Variants in NRAP observed in about 807,000 individuals in gnomAD.
NRAP encodes nebulin related anchoring protein.
NRAP carries 189 observed loss-of-function variants against 225.9 expected under a neutral mutation model. The observed-to-expected ratio is 0.84, with a 90% CI of 0.74 to 0.94. NRAP has a LOEUF of 0.94. Ranked by LOEUF, NRAP falls within the 40% of genes least tolerant of loss-of-function variation. The probability of loss-of-function intolerance (pLI) is 0.00; values close to 1 mark genes in which losing one functional copy is unlikely to be tolerated. For missense variants in NRAP, 2,176 were observed against 2,168.7 expected (o/e 1.00, Z -0.07); for synonymous variants, 769 against 790.7 (o/e 0.97, Z 0.46).
intron 21 of NRAP, 42 bp from the exon 22 acceptor site, chr10:113,624,972 C>T (rs370914690): frequency 1.9e-4 from 251 of 1,288,212 alleles, no homozygotes; most frequent in Non-Finnish European, 2.6e-4. Flanking sequence ...GTGGCAAGGG[C>T]GAGGTGGGCA....
chr10:113,616,565 G>A (rs1437596407), intron 26 of NRAP, among the ~76,000 whole-genome samples: 1 of 152,200 alleles, frequency 6.6e-6, no homozygotes, highest in Non-Finnish European at 1.5e-5. Context: ...TTATGAAGAA[G>A]TTATAAATTC....
At chr10:113,611,967 A>C (rs1398070449) in intron 30 of NRAP, among the ~76,000 whole-genome samples, 1 of 152,268 alleles carries the variant, frequency 6.6e-6, no homozygotes, top group African/African-American at 2.4e-5. Flanking sequence ...TAAAATGAGA[A>C]TAAACTAATG....
chr10:113,645,191 T>G (rs3121475), intron 11 of NRAP, among the ~76,000 whole-genome samples: 84,232 of 152,004 alleles, frequency 0.55, 24,584 homozygotes, highest in East Asian at 0.73. Flanking sequence ...GTTTGATTTG[T>G]TTAAAAAGAT....
intron 14 of NRAP, among the ~76,000 whole-genome samples, chr10:113,639,091 CAAAAAAAAAAAAAA>C (rs60509891): frequency 8.6e-6 from 1 of 115,820 alleles, no homozygotes; most frequent in Non-Finnish European, 1.8e-5. Context: ...ATGTATATAG[CAAAAAAAAAAAAAA>C]AAAAAAAAAA....
In NRAP at chr10:113,604,993, C is replaced by T. The variant is rs541036004; in HGVS notation, c.3916-73G>A. On this transcript the variant is annotated intron_variant, in intron 34 of 41. Coordinates refer to ENST00000359988, the MANE Select transcript of NRAP (RefSeq NM_198060.4). ...GCAGACTCTAGAAAAATCACTTGTT[C>T]TTACACTAGGAGGTGATGATTATAA... 53 of 1,514,408 alleles carry T rather than the reference C, an allele frequency of 3.5e-5. No homozygotes were observed. In the Admixed American group the frequency reaches 5.9e-4, roughly 17 times the overall value. The allele number at this position is 1,514,408 out of a possible 1,614,324, so 93.8% of individuals were successfully genotyped here.
At chr10:113,627,473 G>A (rs1848349455) in intron 20 of NRAP, among the ~76,000 whole-genome samples, 1 of 152,190 alleles carries the variant, frequency 6.6e-6, no homozygotes, top group Admixed American at 6.5e-5. Flanking sequence ...CCAACTGGCT[G>A]CATTCTCTCC....
At chr10:113,647,542 G>GTGGTACTGCCTCCCCCA (rs1849607517) in intron 9 of NRAP, among the ~76,000 whole-genome samples, 2 of 65,690 alleles carry the variant, frequency 3.0e-5, no homozygotes, top group African/African-American at 8.7e-5. Context: ...TGTCTCCCCC[G>GTGGTACTGCCTCCCCCA]GTGGTACTGT....
In NRAP at chr10:113,590,734, A is replaced by G. The variant is rs1448634547; in HGVS notation, c.4800T>C (p.Phe1600=). ...KKDFAKSRSQ[F]HSSTDQPGLL... ...GGCCGGGCTGGTCTGTGCTGCTGTG[A>G]AACTGGGACCGACTCTTGGCAAAGT... The change falls in exon 40 of 42, where the codon TTT becomes TTC. Residue 1600 remains phenylalanine (F), a synonymous_variant. Transcript: ENST00000359988. The G allele has an allele frequency of 1.9e-6, 3 of 1,614,202 alleles. No individual in the cohort carries two copies. The highest frequency in any genetic ancestry group is 2.5e-6 in the Non-Finnish European group (3 of 1,180,014).
chr10:113,594,227 G>A (rs1405737383), intron 38 of NRAP, among the ~76,000 whole-genome samples: 2 of 152,030 alleles, frequency 1.3e-5, no homozygotes, highest in Admixed American at 6.5e-5. Context: ...GCCCAGGAAG[G>A]TCACTTTCCC....
At position 113,590,780 on chromosome 10, in the gene NRAP, C is replaced by T. The variant is rs1438560923; in HGVS notation, c.4754G>A (p.Ser1585Asn). Residue 1585 changes from serine to asparagine, a missense_variant, in exon 40 of 42, where the codon AGT becomes AAT. By Grantham distance (46) the Ser-to-Asn change is conservative (BLOSUM62 1). Coordinates refer to ENST00000359988, the MANE Select transcript of NRAP (RefSeq NM_198060.4). ...KHFLNVGRLQ[S>N]DNEYKKDFAK... The stretch of plus-strand genomic sequence containing the variant: ...AAAGTCCTTCTTGTACTCATTGTCA[C>T]TCTGGAGCCTGCCAACGTTGAGGAA... 3 of 1,614,110 alleles carry T rather than the reference C, an allele frequency of 1.9e-6. No individual in the cohort carries two copies. Among genetic ancestry groups the T allele is most frequent in the Non-Finnish European group, 2.5e-6 (3 of 1,180,044 alleles).
chr10:113,597,948 GT>G lies in NRAP; in HGVS notation c.4332+20del. 2 of 1,512,948 alleles carry G rather than the reference GT, an allele frequency of 1.3e-6. No homozygotes were observed. The highest frequency in any genetic ancestry group is 1.8e-6 in the Non-Finnish European group (2 of 1,087,760). 93.7% of individuals were successfully genotyped at this position (1,512,948 alleles called of 1,614,324 possible). A position where few individuals can be genotyped will look rare whatever the true frequency, so the allele number is the denominator to read the frequency against. On this transcript the variant is annotated intron_variant, in intron 36 of 41. Coordinates refer to ENST00000359988, the MANE Select transcript of NRAP (RefSeq NM_198060.4). ...TGCTAGCTTGCCCTTGTCACTTGTG[GT>G]GGGGACAGGTTGATGGTACCTCGCT... is the stretch of plus-strand genomic sequence containing the variant.
chr10:113,616,653 AAAGC>A (rs1415372627), intron 26 of NRAP, among the ~76,000 whole-genome samples: 1 of 152,228 alleles, frequency 6.6e-6, no homozygotes, highest in Non-Finnish European at 1.5e-5. Context: ...CCTGTCAAAT[AAAGC>A]GCAACCAGAA....
chr10:113,604,593 A>G lies in NRAP; in HGVS notation c.4227+16T>C. ...AAGGCTGGGGGCTGGTTTGCATTCC[A>G]CAAGGCCACCCCTACCTCACTCTGC... On this transcript the variant is annotated intron_variant, in intron 35 of 41. Transcript: ENST00000359988. 6.2e-7 allele frequency: 1 copy of G among 1,604,756 alleles called. No homozygotes were observed. Among genetic ancestry groups the G allele is most frequent in the South Asian group, 1.1e-5 (1 of 90,590 alleles).
At chr10:113,617,173 C>T (rs1592773208) in intron 26 of NRAP, among the ~76,000 whole-genome samples, 1 of 152,258 alleles carries the variant, frequency 6.6e-6, no homozygotes, top group East Asian at 1.9e-4. Flanking sequence ...AGAAAACAGC[C>T]TCACCACGAA....
intron 16 of NRAP, among the ~76,000 whole-genome samples, chr10:113,632,670 C>A (rs1048587503): frequency 6.6e-6 from 1 of 151,514 alleles, no homozygotes; most frequent in Non-Finnish European, 1.5e-5. Flanking sequence ...CTTTCATTTT[C>A]TTCTCCTGCC....
At chr10:113,616,444 C>T (rs1484992579) in intron 26 of NRAP, among the ~76,000 whole-genome samples, 1 of 152,182 alleles carries the variant, frequency 6.6e-6, no homozygotes, top group African/African-American at 2.4e-5. Flanking sequence ...ACAGCAGTGC[C>T]CCCTAGAGTT....
intron 3 of NRAP, among the ~76,000 whole-genome samples, chr10:113,661,853 G>A (rs1044720095): frequency 6.6e-6 from 1 of 152,180 alleles, no homozygotes; most frequent in African/African-American, 2.4e-5. Context: ...TGAATTCAGA[G>A]AGACTTAACA....
rs186643265 is a variant in NRAP at position 113,638,618 on chromosome 10, A to G, written c.1428+1609T>C. ...GGAGGTACAGCAACAGAGAGCAGTC[A>G]CCACCCAGTCCCAGCCAATTGCTGC... is the stretch of plus-strand genomic sequence containing the variant. On this transcript the variant is annotated intron_variant, in intron 14 of 41. Transcript: ENST00000359988. 3.0e-4 allele frequency among the ~76,000 whole-genome samples: 46 copies of G among 152,326 alleles called. 1 individual carries two copies. The Middle Eastern group carries it at 0.017, about 56-fold the overall frequency.
intron 41 of NRAP, chr10:113,589,367 G>C: frequency 1.8e-6 from 1 of 564,008 alleles, no homozygotes; most frequent in South Asian, 2.4e-5. Context: ...CGAATGTAAC[G>C]AGCAAGCAGT....
Sources: allele counts gnomAD v4.1 joint callset (sites outside exome capture counted in the v4.1 genomes callset), GRCh38; gene constraint gnomAD v4.1.1; transcripts MANE v1.5; gene names NCBI Gene and HGNC (gene_info 2026-07-23, HGNC 2026-07-21).